The following SBF2 variants were observed in gnomAD, a reference collection of about 807,000 sequenced individuals.
SBF2 encodes the protein SET binding factor 2.
A neutral mutation model predicts 225.2 loss-of-function variants in SBF2; 112 were observed. That is an observed-to-expected ratio of 0.50 (90% CI 0.43 to 0.58). SBF2 has a LOEUF of 0.58. Ranked by LOEUF, SBF2 falls within the 20% of genes least tolerant of loss-of-function variation. SBF2 has a pLI of 0.00. For missense variants in SBF2, 1,996 were observed against 2,206.2 expected (o/e 0.90, Z 1.91); for synonymous variants, 763 against 773.3 (o/e 0.99, Z 0.22).
At chr11:9,864,379 T>C (rs143065753) in intron 17 of SBF2, among the ~76,000 whole-genome samples, 6 of 144,522 alleles carry the variant, frequency 4.2e-5, no homozygotes, top group East Asian at 3.9e-4. Flanking sequence ...GTAGTTGGGA[T>C]GAATGGATTG....
rs540266111 is a variant in SBF2, at chr11:10,146,384, A to G, written c.141+47518T>C. On this transcript the variant is annotated intron_variant, in intron 2 of 39. Coordinates refer to ENST00000256190, the MANE Select transcript of SBF2 (RefSeq NM_030962.4). The stretch of plus-strand genomic sequence containing the variant: ...GCCACAAAATCAGACACATAGACCA[A>G]TGGAACAGAATAAAGAACCCAGAAG... Among the ~76,000 whole-genome samples the G allele has an allele frequency of 1.3e-3, 191 of 152,078 alleles. 3 individuals carry two copies. The highest frequency in any genetic ancestry group is 1.5e-4 in the Non-Finnish European group (10 of 67,874).
intron 1 of SBF2, among the ~76,000 whole-genome samples, chr11:10,276,775 T>C (rs556492519): frequency 7.6e-4 from 115 of 152,208 alleles, no homozygotes; most frequent in Non-Finnish European, 1.3e-3. Flanking sequence ...TCTGATAGTC[T>C]CTGCTTGTAA....
chr11:10,065,077 C>A (rs7950718), intron 2 of SBF2, among the ~76,000 whole-genome samples: 26,694 of 148,982 alleles, frequency 0.18, 2,544 homozygotes, highest in East Asian at 0.28. Context: ...AAAATATGTT[C>A]TCATGTCAAA....
rs1555098198 is a variant in SBF2 at position 10,258,109 on chromosome 11, C to CACACACT, written c.55+35905_55+35906insAGTGTGT. Among the ~76,000 whole-genome samples, 567 of 133,474 alleles carry CACACACT rather than the reference C, an allele frequency of 4.2e-3. 2 individuals are homozygous for CACACACT. Among genetic ancestry groups the CACACACT allele is most frequent in the Non-Finnish European group, 5.0e-3 (305 of 61,578 alleles). The allele number at this position is 133,474 out of a possible 152,430, so 87.6% of individuals were successfully genotyped here. A position where few individuals can be genotyped will look rare whatever the true frequency, so the allele number is the denominator to read the frequency against. ...ACACACACACACACACACACACACA[C>CACACACT]TTTTTTTTTTTTTTGAGACAGGATC... On this transcript the variant is annotated intron_variant, in intron 1 of 39. Coordinates refer to ENST00000256190, the MANE Select transcript of SBF2 (RefSeq NM_030962.4).
chr11:10,250,462 C>T (rs1337084115), intron 1 of SBF2, among the ~76,000 whole-genome samples: 2 of 152,034 alleles, frequency 1.3e-5, no homozygotes, highest in African/African-American at 4.8e-5. Flanking sequence ...TAAAATGATC[C>T]AAATTGAATA....
At chr11:9,956,434 T>C (rs1565055265) in intron 16 of SBF2, 1 of 152,248 alleles carries the variant, frequency 6.6e-6, no homozygotes, top group Non-Finnish European at 1.5e-5. Flanking sequence ...TACATTTGTT[T>C]GATATTATCA....
intron 2 of SBF2, among the ~76,000 whole-genome samples, chr11:10,167,941 C>A (rs1429458963): frequency 6.6e-6 from 1 of 152,222 alleles, no homozygotes; most frequent in East Asian, 1.9e-4. Flanking sequence ...TCACTTGAGT[C>A]CCGGAGGTGG....
intron 17 of SBF2, among the ~76,000 whole-genome samples, chr11:9,893,276 C>A (rs1190272011): frequency 6.6e-6 from 1 of 152,034 alleles, no homozygotes; most frequent in Non-Finnish European, 1.5e-5. Context: ...AATAATTTTC[C>A]AAAGGGTAAA....
rs776802020 is a variant in SBF2, at chr11:9,785,336, G to A, written c.5038-18C>T. 9 of 1,608,444 alleles carry A rather than the reference G, an allele frequency of 5.6e-6. No homozygotes were observed. Among genetic ancestry groups the A allele is most frequent in the Middle Eastern group, 1.6e-4 (1 of 6,074 alleles). ...CTTTGGGACTGAAAAAGACAGGACA[G>A]GAGCTAGGAAACCTTTACAGACACT... On this transcript the variant is annotated intron_variant, in intron 36 of 39. Transcript: ENST00000256190.
intron 1 of SBF2, among the ~76,000 whole-genome samples, chr11:10,301,719 G>A (rs989790316): frequency 5.5e-4 from 84 of 152,308 alleles, no homozygotes; most frequent in African/African-American, 1.9e-3. Flanking sequence ...TGTCCACAGT[G>A]CTAGCTGAGA....
chr11:10,104,333 C>A (rs1039355109), intron 2 of SBF2, among the ~76,000 whole-genome samples: 1 of 152,144 alleles, frequency 6.6e-6, no homozygotes, highest in Non-Finnish European at 1.5e-5. Flanking sequence ...CCCTTTAAAT[C>A]CCCTGGAAGT....
chr11:10,091,631 G>C (rs954123136), intron 2 of SBF2, among the ~76,000 whole-genome samples: 1 of 152,144 alleles, frequency 6.6e-6, no homozygotes. Flanking sequence ...ATAATTTTGG[G>C]GGTAGGGAGG....
intron 29 of SBF2, among the ~76,000 whole-genome samples, chr11:9,813,486 C>T (rs1481389939): frequency 2.6e-5 from 4 of 152,156 alleles, no homozygotes; most frequent in East Asian, 1.9e-4. Flanking sequence ...CGCCACCATA[C>T]CCAGTTAATT....
chr11:9,842,833 C>A, intron 24 of SBF2, 63 bp from the exon 25 acceptor site: 1 of 1,535,150 alleles, frequency 6.5e-7, no homozygotes, highest in Non-Finnish European at 9.0e-7. Context: ...GTATTGTTGA[C>A]ACCTACTTAG....
At chr11:10,229,568 G>T (rs191123005) in intron 1 of SBF2, among the ~76,000 whole-genome samples, 1 of 151,844 alleles carries the variant, frequency 6.6e-6, no homozygotes, top group South Asian at 2.1e-4. Flanking sequence ...ATTTCGTTAC[G>T]TACCCAGTAG....
intron 14 of SBF2, among the ~76,000 whole-genome samples, chr11:9,968,123 T>C (rs1244116058): frequency 6.6e-6 from 1 of 151,988 alleles, no homozygotes; most frequent in Non-Finnish European, 1.5e-5. Context: ...AAAGCTGTTA[T>C]TAAAAAAAGA....
chr11:10,089,120 G>C (rs777516111), intron 2 of SBF2, among the ~76,000 whole-genome samples: 1 of 152,128 alleles, frequency 6.6e-6, no homozygotes, highest in South Asian at 2.1e-4. Flanking sequence ...GCATAGTGGC[G>C]AAGTCTGTAC....
At chr11:9,900,883 C>T (rs1414912297) in intron 16 of SBF2, among the ~76,000 whole-genome samples, 3 of 151,998 alleles carry the variant, frequency 2.0e-5, no homozygotes, top group East Asian at 1.9e-4. Flanking sequence ...ACTACAGGCA[C>T]GCATCACCGC....
At chr11:9,826,459 T>G (rs2133926628) in intron 28 of SBF2, among the ~76,000 whole-genome samples, 1 of 152,260 alleles carries the variant, frequency 6.6e-6, no homozygotes, top group East Asian at 1.9e-4. Flanking sequence ...AAAGTGAATT[T>G]TGTAAAAAGT....
Sources: gnomAD v4.1 joint callset for allele counts (sites outside exome capture counted in the v4.1 genomes callset) on GRCh38, gnomAD v4.1.1 for gene constraint, MANE v1.5 for transcripts, NCBI Gene and HGNC (gene_info 2026-07-23, HGNC 2026-07-21) for gene names.